Variants in LARP4B observed in about 807,000 individuals in gnomAD.
LARP4B encodes La ribonucleoprotein 4B.
In LARP4B, 12 loss-of-function variants were observed where a neutral mutation model predicts 89.8. That is an observed-to-expected ratio of 0.13 (90% CI 0.09 to 0.22). The LOEUF is 0.22. Ranked by LOEUF, LARP4B falls within the 10% of genes least tolerant of loss-of-function variation. LARP4B has a pLI of 1.00. For missense variants in LARP4B, 757 were observed against 947.7 expected (o/e 0.80, Z 2.64); for synonymous variants, 367 against 363.3 (o/e 1.01, Z -0.12).
intron 1 of LARP4B, among the ~76,000 whole-genome samples, chr10:928,609 G>A (rs1300259532): frequency 6.6e-6 from 1 of 152,134 alleles, no homozygotes; most frequent in Non-Finnish European, 1.5e-5. Context: ...GGGGAGACAA[G>A]GTCTCACTGT....
intron 8 of LARP4B, 31 bp from the exon 9 acceptor site, chr10:831,008 T>A: frequency 1.1e-6 from 1 of 883,612 alleles, no homozygotes; most frequent in Non-Finnish European, 1.8e-6. Flanking sequence ...AGAAATTAAT[T>A]CTCAACAATG....
At chr10:980,660 C>T in the LARP4B span, among the ~76,000 whole-genome samples, 2 of 152,202 alleles carry the variant, frequency 1.3e-5, no homozygotes, top group Non-Finnish European at 2.9e-5. Context: ...AGCAGTGTCC[C>T]AAGGCTGTGC....
intron 2 of LARP4B, among the ~76,000 whole-genome samples, chr10:884,902 T>A (rs1835804572): frequency 6.6e-6 from 1 of 152,218 alleles, no homozygotes; most frequent in South Asian, 2.1e-4. Flanking sequence ...TCACTACATA[T>A]CCTTGATTTA....
At chr10:920,411 C>T (rs1836946953) in intron 1 of LARP4B, among the ~76,000 whole-genome samples, 1 of 152,226 alleles carries the variant, frequency 6.6e-6, no homozygotes, top group South Asian at 2.1e-4. Flanking sequence ...GAACAAAACT[C>T]ACAGTCTTAG....
chr10:969,076 G>A, the LARP4B span, among the ~76,000 whole-genome samples: 14 of 152,172 alleles, frequency 9.2e-5, no homozygotes, highest in African/African-American at 3.4e-4. Context: ...ACTGAGATAA[G>A]GTAAAACACC....
chr10:843,880 A>T (rs1833648868), intron 6 of LARP4B, among the ~76,000 whole-genome samples: 1 of 152,128 alleles, frequency 6.6e-6, no homozygotes, highest in Non-Finnish European at 1.5e-5. Flanking sequence ...AAAGAAGGAA[A>T]CAGTAACTTT....
At chr10:841,343 T>C (rs772123468) in intron 7 of LARP4B, among the ~76,000 whole-genome samples, 3 of 151,714 alleles carry the variant, frequency 2.0e-5, no homozygotes, top group Non-Finnish European at 4.4e-5. Context: ...AAAAATCGAG[T>C]GAAAAAAGAC....
intron 7 of LARP4B, among the ~76,000 whole-genome samples, chr10:840,319 G>A (rs13377166): frequency 0.15 from 23,205 of 152,104 alleles, 1,931 homozygotes; most frequent in Non-Finnish European, 0.19. Flanking sequence ...CCCATGACGT[G>A]ACACTGAATG....
At chr10:924,176 G>C (rs890805679) in intron 1 of LARP4B, among the ~76,000 whole-genome samples, 3 of 152,166 alleles carry the variant, frequency 2.0e-5, no homozygotes, top group African/African-American at 7.2e-5. Context: ...CCCAGGTCGA[G>C]GCTGCAGAGA....
chr10:901,182 T>C (rs1190699686), intron 1 of LARP4B, among the ~76,000 whole-genome samples: 1 of 152,186 alleles, frequency 6.6e-6, no homozygotes, highest in African/African-American at 2.4e-5. Flanking sequence ...CCCAAAGTGC[T>C]GGGATTACAG....
chr10:858,184 C>T (rs1458870355), intron 5 of LARP4B, among the ~76,000 whole-genome samples: 2 of 152,160 alleles, frequency 1.3e-5, no homozygotes, highest in African/African-American at 2.4e-5. Flanking sequence ...GCTTTCCCTG[C>T]GGTGGCCTAT....
At chr10:817,209 C>G (rs1248592933) in intron 15 of LARP4B, among the ~76,000 whole-genome samples, 1 of 152,214 alleles carries the variant, frequency 6.6e-6, no homozygotes, top group Admixed American at 6.5e-5. Context: ...CCTCTGTCAT[C>G]TGCAGCTCGG....
intron 3 of LARP4B, among the ~76,000 whole-genome samples, chr10:878,472 A>T (rs1835542663): frequency 1.3e-5 from 2 of 152,230 alleles, no homozygotes; most frequent in East Asian, 3.8e-4. Context: ...CCCTGATTTG[A>T]AGATACACGT....
chr10:960,127 AT>A, the LARP4B span, among the ~76,000 whole-genome samples: 1 of 152,230 alleles, frequency 6.6e-6, no homozygotes, highest in Non-Finnish European at 1.5e-5. Flanking sequence ...GAAGAAGCCA[AT>A]CTGAAAAGGC....
At chr10:887,884 A>G (rs939023376) in intron 1 of LARP4B, among the ~76,000 whole-genome samples, 1 of 150,788 alleles carries the variant, frequency 6.6e-6, no homozygotes, top group Non-Finnish European at 1.5e-5. Flanking sequence ...TTAGCCAGGC[A>G]TGGTGGCACA....
At chr10:970,739 A>C in the LARP4B span, among the ~76,000 whole-genome samples, 1 of 151,934 alleles carries the variant, frequency 6.6e-6, no homozygotes, top group South Asian at 2.1e-4. Context: ...TTTTCTTCTT[A>C]TGGTAACTGT....
intron 5 of LARP4B, among the ~76,000 whole-genome samples, chr10:859,681 G>C (rs1834491246): frequency 6.6e-6 from 1 of 152,188 alleles, no homozygotes; most frequent in Non-Finnish European, 1.5e-5. Context: ...CCAGACAATG[G>C]AATGTTATTC....
intron 1 of LARP4B, among the ~76,000 whole-genome samples, chr10:902,672 TCTCA>T (rs980570277): frequency 6.7e-6 from 1 of 148,694 alleles, no homozygotes; most frequent in African/African-American, 2.5e-5. Flanking sequence ...TGAGATAGAG[TCTCA>T]CTCTGTTGCC....
At chr10:845,758 T>G (rs769169576) in intron 5 of LARP4B, among the ~76,000 whole-genome samples, 1 of 152,220 alleles carries the variant, frequency 6.6e-6, no homozygotes, top group Non-Finnish European at 1.5e-5. Flanking sequence ...CTCCGGACAC[T>G]GCATAAAGAG....
Sources: allele counts gnomAD v4.1 joint callset (sites outside exome capture counted in the v4.1 genomes callset), GRCh38; gene constraint gnomAD v4.1.1; transcripts MANE v1.5; gene names NCBI Gene and HGNC (gene_info 2026-07-23, HGNC 2026-07-21).